Variants in MCTP2 observed in about 807,000 individuals in gnomAD.
MCTP2 encodes the protein multiple C2 and transmembrane domain-containing protein 2.
A neutral mutation model predicts 111.6 loss-of-function variants in MCTP2; 132 were observed. That is an observed-to-expected ratio of 1.18 (90% CI 1.03 to 1.37). The LOEUF (loss-of-function observed/expected upper bound fraction) is 1.37. MCTP2 is among the 40% of genes most tolerant of loss of function. The pLI, the probability that MCTP2 is intolerant of heterozygous loss-of-function variation, is 0.00. For synonymous variants in MCTP2, 395 were observed against 387.7 expected, an observed-to-expected ratio of 1.02 and a Z score of -0.22; for missense variants, 1,183 against 1,067.9, an observed-to-expected ratio of 1.11 and a Z score of -1.50.
At position 94,298,814 on chromosome 15, in the gene MCTP2, C is replaced by G. The variant is rs1376866733; in HGVS notation, c.465+84C>G. 301 of 668,368 alleles carry G rather than the reference C, an allele frequency of 4.5e-4. 9 individuals are homozygous for G. In the African/African-American group the frequency reaches 7.9e-3, roughly 18 times the overall value. The allele number at this position is 668,368 out of a possible 1,614,324, so 41.4% of individuals were successfully genotyped here. A position where few individuals can be genotyped will look rare whatever the true frequency, so the allele number is the denominator to read the frequency against. ...TCTTTCTCCCTCTCTCCCCATCTCC[C>G]TCTCTCTTCCCCCCTCCCCCTCCCT... On this transcript the variant is annotated intron_variant, in intron 2 of 22. Transcript: ENST00000357742.
chr15:94,446,842 A>G (rs2084146739), intron 19 of MCTP2, among the ~76,000 whole-genome samples: 1 of 152,208 alleles, frequency 6.6e-6, no homozygotes, highest in African/African-American at 2.4e-5. Flanking sequence ...TGAGGTCACA[A>G]TTGCCTGACA....
At chr15:94,308,919 G>C (rs61449104) in intron 2 of MCTP2, among the ~76,000 whole-genome samples, 5,933 of 152,152 alleles carry the variant, frequency 0.039, 368 homozygotes, top group African/African-American at 0.13. Context: ...TCATATGCTT[G>C]AGCAAGGTAT....
chr15:94,357,724 C>G (rs16949007), intron 9 of MCTP2, among the ~76,000 whole-genome samples: 39,341 of 152,006 alleles, frequency 0.26, 5,829 homozygotes, highest in African/African-American at 0.39. Flanking sequence ...TTTAATACCT[C>G]ACACTGCACC....
chr15:94,382,117 A>G (rs1481269366), intron 12 of MCTP2, among the ~76,000 whole-genome samples: 1 of 152,182 alleles, frequency 6.6e-6, no homozygotes, highest in African/African-American at 2.4e-5. Context: ...ATCGGTCTTG[A>G]GTGAGGCAAA....
chr15:94,345,073 T>C, intron 7 of MCTP2, 56 bp from the exon 8 acceptor site: 1 of 1,585,320 alleles, frequency 6.3e-7, no homozygotes, highest in East Asian at 2.3e-5. Context: ...ATAATGATTC[T>C]ATCTTCCTCT....
intron 1 of MCTP2, among the ~76,000 whole-genome samples, chr15:94,243,229 G>A (rs550846724): frequency 2.0e-5 from 3 of 148,004 alleles, no homozygotes; most frequent in Non-Finnish European, 3.0e-5. Flanking sequence ...ATACGTATGC[G>A]TACATACACA....
intron 20 of MCTP2, among the ~76,000 whole-genome samples, chr15:94,466,469 G>A (rs994115887): frequency 2.6e-5 from 4 of 152,244 alleles, no homozygotes; most frequent in South Asian, 4.1e-4. Context: ...AACACTGGTA[G>A]CATAAACTGA....
At chr15:94,257,841 T>C (rs1344048892) in intron 1 of MCTP2, among the ~76,000 whole-genome samples, 1 of 151,136 alleles carries the variant, frequency 6.6e-6, no homozygotes, top group Admixed American at 6.6e-5. Context: ...CTCCTCGGCC[T>C]CCCAAAGTGT....
At chr15:94,247,059 C>T (rs1388169261) in intron 1 of MCTP2, among the ~76,000 whole-genome samples, 1 of 152,158 alleles carries the variant, frequency 6.6e-6, no homozygotes, top group Non-Finnish European at 1.5e-5. Context: ...AATCATGCTT[C>T]ACATGAGTGT....
At chr15:94,468,281 C>T (rs1316048341) in intron 20 of MCTP2, among the ~76,000 whole-genome samples, 1 of 151,550 alleles carries the variant, frequency 6.6e-6, no homozygotes, top group East Asian at 1.9e-4. Context: ...TTAATTCTAG[C>T]AGAATCTGTG....
At chr15:94,267,681 A>G (rs79275650) in intron 1 of MCTP2, among the ~76,000 whole-genome samples, 1,698 of 152,166 alleles carry the variant, frequency 0.011, 36 homozygotes, top group African/African-American at 0.039. Context: ...TGTCTGTGCC[A>G]GTTTACATTC....
rs910074701 is a variant in MCTP2, at chr15:94,470,556, G to A, written c.2470+114G>A. On this transcript the variant is annotated intron_variant, in intron 21 of 22. Transcript: ENST00000357742. The stretch of plus-strand genomic sequence containing the variant: ...TGCTCTTGTTGGCAATTAAACATGA[G>A]ATTAAGGAAAGCATTTGGGGAACAA... 5 of 835,664 alleles carry A rather than the reference G, an allele frequency of 6.0e-6. No individual in the cohort carries two copies. In the Admixed American group the frequency reaches 1.0e-4, roughly 17 times the overall value. 51.8% of individuals were successfully genotyped at this position (835,664 alleles called of 1,614,324 possible). A position where few individuals can be genotyped will look rare whatever the true frequency, so the allele number is the denominator to read the frequency against.
rs566021979 is a variant in MCTP2 at position 94,293,304 on chromosome 15, G to C, written c.-65-4897G>C. Among the ~76,000 whole-genome samples, 7 of 152,236 alleles carry C rather than the reference G, an allele frequency of 4.6e-5. No homozygotes were observed. In the South Asian group the frequency reaches 1.5e-3, roughly 32 times the overall value. The stretch of plus-strand genomic sequence containing the variant: ...AGTAGGGGAAATATTTGTGAACTCT[G>C]TGTTCAACAAAGGACTAATACCCAA... On this transcript the variant is annotated intron_variant, in intron 1 of 22. Transcript: ENST00000357742.
At chr15:94,356,574 A>G (rs2152424400) in intron 9 of MCTP2, among the ~76,000 whole-genome samples, 1 of 152,344 alleles carries the variant, frequency 6.6e-6, no homozygotes, top group Middle Eastern at 3.4e-3. Context: ...TCAATTTGAA[A>G]ATAAGCAAAC....
At chr15:94,426,810 G>C (rs1193735373) in intron 17 of MCTP2, among the ~76,000 whole-genome samples, 2 of 152,106 alleles carry the variant, frequency 1.3e-5, no homozygotes, top group African/African-American at 4.8e-5. Flanking sequence ...AATATAGCAA[G>C]TCACTCTGAT....
intron 1 of MCTP2, among the ~76,000 whole-genome samples, chr15:94,256,311 T>C (rs1485849223): frequency 1.3e-5 from 2 of 151,798 alleles, no homozygotes; most frequent in Non-Finnish European, 2.9e-5. Context: ...TCATTATGTA[T>C]ATGCAAATGT....
intron 8 of MCTP2, among the ~76,000 whole-genome samples, chr15:94,347,235 A>G (rs1464490690): frequency 6.6e-6 from 1 of 152,196 alleles, no homozygotes; most frequent in Non-Finnish European, 1.5e-5. Context: ...AAAAGTAGTT[A>G]AAATACCCTG....
At chr15:94,329,571 C>G (rs2077041650) in intron 4 of MCTP2, among the ~76,000 whole-genome samples, 1 of 152,132 alleles carries the variant, frequency 6.6e-6, no homozygotes, top group Non-Finnish European at 1.5e-5. Context: ...AATCGGATCT[C>G]TTGAGAATTC....
intron 8 of MCTP2, among the ~76,000 whole-genome samples, chr15:94,347,556 G>A (rs2078050486): frequency 6.6e-6 from 1 of 151,690 alleles, no homozygotes; most frequent in African/African-American, 2.4e-5. Context: ...GTTCGGCCCT[G>A]GATTTCAATA....
Sources: allele counts gnomAD v4.1 joint callset (sites outside exome capture counted in the v4.1 genomes callset), GRCh38; gene constraint gnomAD v4.1.1; transcripts MANE v1.5; gene names NCBI Gene and HGNC (gene_info 2026-07-23, HGNC 2026-07-21).